TTLL5: variants seen among roughly 807,000 people sequenced by gnomAD.
The protein encoded by TTLL5 is tubulin tyrosine ligase like 5.
TTLL5 carries 132 observed loss-of-function variants against 168.4 expected under a neutral mutation model. That is an observed-to-expected ratio of 0.78 (90% CI 0.68 to 0.91). The LOEUF is 0.91. Among genes scored for constraint, TTLL5 ranks in the 40% least tolerant of loss-of-function variants. The probability of loss-of-function intolerance (pLI) is 0.00; values close to 1 mark genes in which losing one functional copy is unlikely to be tolerated. For synonymous variants in TTLL5, 546 were observed against 558.6 expected (o/e 0.98, Z 0.32); for missense variants, 1,545 against 1,581.5 (o/e 0.98, Z 0.39).
Position 75,897,844 on chromosome 14 carries a change from A to G in TTLL5, c.3741-4298A>G, listed in dbSNP as rs541616603. Among the ~76,000 whole-genome samples, 6 of 152,330 alleles carry G rather than the reference A, an allele frequency of 3.9e-5. No homozygotes were observed. The East Asian group carries it at 1.2e-3, about 29-fold the overall frequency. On this transcript the variant is annotated intron_variant, in intron 30 of 31. Coordinates refer to ENST00000298832, the MANE Select transcript of TTLL5 (RefSeq NM_015072.5). ...CTAAATAAGACCATTACCAGAGCTG[A>G]GATTGTAGTAAGCTTCTTACTCTCA...
rs116988590 is a variant in TTLL5, at chr14:75,734,771, A to T, written c.1187-424A>T. Among the ~76,000 whole-genome samples the T allele has an allele frequency of 1.6e-3, 242 of 152,340 alleles. 4 individuals are homozygous for T. The East Asian group carries it at 0.039, about 25-fold the overall frequency. ...CCACCTTCTGCAGTTCCAGAAGTAGATCATGTAACAGGATGAGACTGTTCA... is the reference window on the plus strand; with the variant it reads ...CCACCTTCTGCAGTTCCAGAAGTAGTTCATGTAACAGGATGAGACTGTTCA... On this transcript the variant is annotated intron_variant, in intron 14 of 31. Transcript: ENST00000298832.
chr14:75,854,552 G>A (rs771091175), intron 28 of TTLL5, among the ~76,000 whole-genome samples: 124 of 152,034 alleles, frequency 8.2e-4, no homozygotes, highest in Non-Finnish European at 1.6e-3. Flanking sequence ...TTGTCCTGTC[G>A]TGTAAATATA....
At chr14:75,811,156 AGTGTGTGTGTGTGTGTGTGTGT>A (rs148883248) in intron 27 of TTLL5, among the ~76,000 whole-genome samples, 1 of 116,530 alleles carries the variant, frequency 8.6e-6, no homozygotes, top group Non-Finnish European at 1.7e-5. Flanking sequence ...TGAAAGAAAG[AGTGTGTGTGTGTGTGTGTGTGT>A]GTGTGTGTGT....
Position 75,669,454 on chromosome 14 carries a change from G to T in TTLL5, c.113G>T (p.Arg38Ile). The T allele has an allele frequency of 6.2e-7, 1 of 1,614,138 alleles. No homozygotes were observed. The highest frequency in any genetic ancestry group is 1.1e-5 in the South Asian group (1 of 91,080). ...ATCATGTGGACTGGAGGCTGCAGGA[G>T]AATTCCAGTTTTGGTATTCCATGCC... ...PCIMWTGGCRRIPVLVFHADA... is the reference protein window; with the variant it reads ...PCIMWTGGCRIIPVLVFHADA... The change falls in exon 3 of 32, where the codon AGA (arginine) becomes ATA (isoleucine). Residue 38 changes from arginine (R) to isoleucine (I), a missense_variant. Coordinates refer to ENST00000298832, the MANE Select transcript of TTLL5 (RefSeq NM_015072.5).
chr14:75,896,067 T>A (rs1175314335), intron 30 of TTLL5, among the ~76,000 whole-genome samples: 1 of 152,264 alleles, frequency 6.6e-6, no homozygotes, highest in Non-Finnish European at 1.5e-5. Context: ...TGAGTGCCTT[T>A]ACTGCACAAA....
At chr14:75,782,614 T>C (rs1427683084) in intron 25 of TTLL5, 41 bp downstream of exon 25, 1 of 1,523,542 alleles carries the variant, frequency 6.6e-7, no homozygotes, top group South Asian at 1.2e-5. Context: ...TGCTCTCTGA[T>C]AATTTCCTAA....
intron 31 of TTLL5, among the ~76,000 whole-genome samples, chr14:75,934,111 TGA>T (rs2034362089): frequency 6.6e-6 from 1 of 152,218 alleles, no homozygotes; most frequent in East Asian, 1.9e-4. Flanking sequence ...CAGAAAGCCA[TGA>T]GAGCCTGAGA....
At chr14:75,669,316 G>A in intron 2 of TTLL5, 100 bp from the exon 3 acceptor site, 1 of 1,062,426 alleles carries the variant, frequency 9.4e-7, no homozygotes. Context: ...TATTCCAGAA[G>A]GAAGGGGAAA....
chr14:75,766,199 G>A lies in TTLL5; in HGVS notation c.1846G>A (p.Ala616Thr). 6.2e-7 allele frequency: 1 copy of A among 1,614,032 alleles called. No individual in the cohort carries two copies. Among genetic ancestry groups the A allele is most frequent in the Non-Finnish European group, 8.5e-7 (1 of 1,179,980 alleles). ...ESAGFLRENQ[A>T]KYTPSLTALV... is the part of the protein sequence containing the mutation. ...TGCAGGATTTCTTAGAGAAAATCAA[G>A]CCAAATATACACCCTCATTGACAGC... is the stretch of plus-strand genomic sequence containing the variant. Residue 616 changes from alanine (A) to threonine (T), a missense_variant, in exon 20 of 32, where the codon GCC becomes ACC. Coordinates refer to ENST00000298832, the MANE Select transcript of TTLL5 (RefSeq NM_015072.5).
chr14:75,724,594 C>CT (rs1888070853), intron 12 of TTLL5, among the ~76,000 whole-genome samples: 1 of 152,148 alleles, frequency 6.6e-6, no homozygotes, highest in Admixed American at 6.5e-5. Flanking sequence ...GAAATGAACT[C>CT]TATGTTCCAG....
chr14:75,852,131 C>T (rs1176413046), intron 28 of TTLL5, among the ~76,000 whole-genome samples: 2 of 152,158 alleles, frequency 1.3e-5, no homozygotes, highest in Non-Finnish European at 2.9e-5. Context: ...AGTGGTAGAG[C>T]TAGGATCTGA....
At chr14:75,732,848 T>C (rs1401725640) in intron 13 of TTLL5, among the ~76,000 whole-genome samples, 1 of 152,248 alleles carries the variant, frequency 6.6e-6, no homozygotes. Flanking sequence ...CCTTTTACCC[T>C]GTCTCATGTT....
rs1595102175 is a variant in TTLL5, at chr14:75,823,664, G to A, written c.3326+3503G>A. The stretch of plus-strand genomic sequence containing the variant: ...ACACATGCATCCTGGGCATTTGTCT[G>A]TTCCTCGATATGAAAGATGGGAGAA... On this transcript the variant is annotated intron_variant, in intron 28 of 31. Transcript: ENST00000298832. Among the ~76,000 whole-genome samples, 4 of 152,262 alleles carry A rather than the reference G, an allele frequency of 2.6e-5. 1 individual carries two copies.
intron 31 of TTLL5, among the ~76,000 whole-genome samples, chr14:75,924,437 G>A (rs1222626412): frequency 1.3e-5 from 2 of 151,750 alleles, no homozygotes; most frequent in African/African-American, 2.4e-5. Flanking sequence ...GCGGCCTTCC[G>A]CAGTGTTTGT....
intron 27 of TTLL5, among the ~76,000 whole-genome samples, chr14:75,794,094 C>A (rs1892867003): frequency 6.6e-6 from 1 of 152,176 alleles, no homozygotes; most frequent in Non-Finnish European, 1.5e-5. Flanking sequence ...AGTTTTACTT[C>A]AGCCTCATCC....
At chr14:75,713,968 T>A (rs1016674481) in intron 9 of TTLL5, among the ~76,000 whole-genome samples, 11 of 152,168 alleles carry the variant, frequency 7.2e-5, no homozygotes, top group Non-Finnish European at 1.2e-4. Context: ...TTTTTTTTTT[T>A]AATTACAAAA....
chr14:75,860,432 G>A (rs1897339589), intron 28 of TTLL5, among the ~76,000 whole-genome samples: 1 of 152,222 alleles, frequency 6.6e-6, no homozygotes, highest in Non-Finnish European at 1.5e-5. Context: ...AAGCTTCATA[G>A]TTATATAAAT....
intron 31 of TTLL5, among the ~76,000 whole-genome samples, chr14:75,948,007 A>G (rs945221943): frequency 1.3e-5 from 2 of 152,152 alleles, no homozygotes; most frequent in Admixed American, 6.5e-5. Flanking sequence ...CGTGTATACA[A>G]CATCACACTA....
chr14:75,834,627 G>A (rs540233125), intron 28 of TTLL5, among the ~76,000 whole-genome samples: 17 of 152,166 alleles, frequency 1.1e-4, no homozygotes, highest in African/African-American at 3.6e-4. Flanking sequence ...TTCACAGACC[G>A]GACTTCTACC....
Sources: gnomAD v4.1 joint callset for allele counts (sites outside exome capture counted in the v4.1 genomes callset) on GRCh38, gnomAD v4.1.1 for gene constraint, MANE v1.5 for transcripts, NCBI Gene and HGNC (gene_info 2026-07-23, HGNC 2026-07-21) for gene names.